The following HLF variants were observed in gnomAD, a reference collection of about 807,000 sequenced individuals.
The protein encoded by HLF is hepatic leukemia factor.
In HLF, 3 loss-of-function variants were observed where a neutral mutation model predicts 22.6. The observed-to-expected ratio is 0.13, with a 90% confidence interval of 0.06 to 0.34. The LOEUF (loss-of-function observed/expected upper bound fraction) is 0.34. Ranked by LOEUF, HLF falls within the 10% of genes least tolerant of loss-of-function variation. HLF has a pLI of 1.00. For synonymous variants in HLF, 151 were observed against 151.8 expected (o/e 0.99, Z 0.04); for missense variants, 299 against 389.2 (o/e 0.77, Z 1.95).
At chr17:55,311,234 A>C (rs1946442089) in intron 2 of HLF, among the ~76,000 whole-genome samples, 1 of 152,172 alleles carries the variant, frequency 6.6e-6, no homozygotes, top group Non-Finnish European at 1.5e-5. Context: ...GTAACAAGGG[A>C]AATGGAAATT....
At position 55,281,440 on chromosome 17, in the gene HLF, G is replaced by A. The variant is rs901894703; in HGVS notation, c.451+13354G>A. Among the ~76,000 whole-genome samples the A allele has an allele frequency of 3.9e-5, 6 of 152,164 alleles. No homozygotes were observed. The East Asian group carries it at 5.8e-4, about 15-fold the overall frequency. The stretch of plus-strand genomic sequence containing the variant: ...AGGCAGGAGAATCGCTTAAACCCGG[G>A]AGGCGGAGATTGCAGTGAGCCAAGA... On this transcript the variant is annotated intron_variant, in intron 2 of 3. Transcript: ENST00000226067.
intron 3 of HLF, among the ~76,000 whole-genome samples, chr17:55,316,289 T>C (rs754847240): frequency 2.6e-5 from 4 of 152,236 alleles, no homozygotes; most frequent in Non-Finnish European, 5.9e-5. Context: ...ATGATTATTA[T>C]GTAGTCAAGG....
rs888823772 is a variant in HLF, at chr17:55,321,087, T to G, written c.*208T>G. ...GTCAGCGGTATGTGCGTGTGCGTGT[T>G]CCTTTGCTCTTGCCATTTTAAGGTA... is the stretch of plus-strand genomic sequence containing the variant. On this transcript the variant is annotated 3_prime_UTR_variant, in exon 4 of 4. Coordinates refer to ENST00000226067, the MANE Select transcript of HLF (RefSeq NM_002126.5). 1 of 538,562 alleles carries G rather than the reference T, an allele frequency of 1.9e-6. No individual in the cohort carries two copies. 33.4% of individuals were successfully genotyped at this position (538,562 alleles called of 1,614,324 possible). A position where few individuals can be genotyped will look rare whatever the true frequency, so the allele number is the denominator to read the frequency against.
At chr17:55,306,725 G>A (rs1439153538) in intron 2 of HLF, among the ~76,000 whole-genome samples, 1 of 152,142 alleles carries the variant, frequency 6.6e-6, no homozygotes, top group Non-Finnish European at 1.5e-5. Context: ...CTTTGGCTAA[G>A]ACTTTCTATC....
intron 2 of HLF, among the ~76,000 whole-genome samples, chr17:55,269,666 C>T (rs1399986710): frequency 1.3e-5 from 2 of 152,244 alleles, no homozygotes; most frequent in South Asian, 2.1e-4. Context: ...AGAGATAATA[C>T]GTATAAAGGG....
chr17:55,272,381 T>C (rs759997751), intron 2 of HLF: 1 of 152,246 alleles, frequency 6.6e-6, no homozygotes, highest in African/African-American at 2.4e-5. Flanking sequence ...TTTGAAATTA[T>C]TTCCTCTGGT....
chr17:55,278,551 G>T (rs1010734537), intron 2 of HLF, among the ~76,000 whole-genome samples: 1 of 145,348 alleles, frequency 6.9e-6, no homozygotes, highest in Non-Finnish European at 1.5e-5. Flanking sequence ...GCGAAGGTTT[G>T]TTTGGGGGAA....
chr17:55,285,846 G>A (rs1230115473), intron 2 of HLF, among the ~76,000 whole-genome samples: 1 of 152,246 alleles, frequency 6.6e-6, no homozygotes, highest in Non-Finnish European at 1.5e-5. Context: ...CCTCTTATGA[G>A]TGTCGAGAGA....
At chr17:55,311,644 C>G (rs1598408079) in intron 2 of HLF, among the ~76,000 whole-genome samples, 1 of 152,116 alleles carries the variant, frequency 6.6e-6, no homozygotes, top group East Asian at 1.9e-4. Context: ...TTTTGGAGCA[C>G]AGTTTGGCAG....
intron 2 of HLF, among the ~76,000 whole-genome samples, chr17:55,270,886 C>A (rs1040909306): frequency 6.6e-6 from 1 of 152,112 alleles, no homozygotes; most frequent in African/African-American, 2.4e-5. Context: ...TCGTGATCCG[C>A]CCGCCTCGGC....
chr17:55,324,484 A>C lies in HLF; in HGVS notation c.*3605A>C, dbSNP rs1262655004. On this transcript the variant is annotated 3_prime_UTR_variant, in exon 4 of 4. Transcript: ENST00000226067. ...CCTATTCTTCCTTTAAGGAAAACTC[A>C]ATCTTTATCACAGTCAATTAGAGCG... The C allele has an allele frequency of 2.6e-5, 6 of 231,810 alleles. No homozygotes were observed. Among genetic ancestry groups the C allele is most frequent in the Admixed American group, 1.1e-4 (2 of 17,736 alleles). The allele number at this position is 231,810 out of a possible 1,614,324, so 14.4% of individuals were successfully genotyped here. A position where few individuals can be genotyped will look rare whatever the true frequency, so the allele number is the denominator to read the frequency against.
chr17:55,288,908 G>A, intron 2 of HLF: 1 of 985,338 alleles, frequency 1.0e-6, no homozygotes, highest in Non-Finnish European at 1.2e-6. Context: ...AGCAGCTCCA[G>A]CCTGCATGTT....
chr17:55,281,078 A>C (rs2080950575), intron 2 of HLF, among the ~76,000 whole-genome samples: 1 of 152,132 alleles, frequency 6.6e-6, no homozygotes, highest in African/African-American at 2.4e-5. Context: ...TGGATGTGGC[A>C]GGGTAAGGCT....
At position 55,279,885 on chromosome 17, in the gene HLF, G is replaced by A. The variant is rs536706846; in HGVS notation, c.451+11799G>A. 2.6e-5 allele frequency among the ~76,000 whole-genome samples: 4 copies of A among 151,784 alleles called. No individual in the cohort carries two copies. In the South Asian group the frequency reaches 8.3e-4, roughly 32 times the overall value. ...TCTTTAAAATTAAATTTTCATATAA[G>A]TATATGGAACCAAAATATTATTTTC... On this transcript the variant is annotated intron_variant, in intron 2 of 3. Transcript: ENST00000226067.
At chr17:55,308,409 C>G (rs186793363) in intron 2 of HLF, among the ~76,000 whole-genome samples, 3 of 152,188 alleles carry the variant, frequency 2.0e-5, no homozygotes, top group Admixed American at 2.0e-4. Flanking sequence ...TATGTATTAT[C>G]TAGTTCATTT....
intron 2 of HLF, among the ~76,000 whole-genome samples, chr17:55,269,790 A>T (rs531190742): frequency 6.6e-6 from 1 of 152,198 alleles, no homozygotes; most frequent in South Asian, 2.1e-4. Context: ...TTCGTAAGGT[A>T]ACTAGGTACT....
At chr17:55,286,296 C>A (rs377478946) in intron 2 of HLF, among the ~76,000 whole-genome samples, 2 of 152,054 alleles carry the variant, frequency 1.3e-5, no homozygotes, top group East Asian at 1.9e-4. Flanking sequence ...TTTCTCCCCC[C>A]ACCCTTGTAC....
At position 55,265,572 on chromosome 17, in the gene HLF, C is replaced by T. The variant is rs75131547; in HGVS notation, c.88C>T (p.Leu30=). ...GCTCAGGTCCCTGCTGGAGAACCCG[C>T]TGAAGCTCCCCCTTCACCACGAAGA... ...GVLRSLLENP[L]KLPLHHEDAF... Residue 30 remains leucine (L), a synonymous_variant, in exon 1 of 4, where the codon CTG becomes TTG. Transcript: ENST00000226067. The T allele has an allele frequency of 5.3e-4, 848 of 1,604,336 alleles. 6 individuals carry two copies. The African/African-American group carries it at 0.011, about 20-fold the overall frequency.
chr17:55,287,648 C>T (rs1459029524), intron 2 of HLF, among the ~76,000 whole-genome samples: 2 of 152,196 alleles, frequency 1.3e-5, no homozygotes, highest in East Asian at 1.9e-4. Flanking sequence ...GTTGTTGCAC[C>T]TGTGTTTGGC....
Sources: allele counts gnomAD v4.1 joint callset (sites outside exome capture counted in the v4.1 genomes callset), GRCh38; gene constraint gnomAD v4.1.1; transcripts MANE v1.5; gene names NCBI Gene and HGNC (gene_info 2026-07-23, HGNC 2026-07-21).